Variants in CXADR observed in about 807,000 individuals in gnomAD.
CXADR encodes the protein CXADR cell adhesion molecule, also known as coxsackievirus and adenovirus receptor.
Under a neutral mutation model 40.3 loss-of-function variants are expected in CXADR, and 20 were observed. The observed-to-expected ratio is 0.50, with a 90% confidence interval of 0.35 to 0.72. The LOEUF (loss-of-function observed/expected upper bound fraction) is 0.72. Ranked by LOEUF, CXADR falls within the 30% of genes least tolerant of loss-of-function variation. The pLI is 0.01. For missense variants in CXADR, 332 were observed against 449.1 expected (o/e 0.74, Z 2.36); for synonymous variants, 150 against 161.3 (o/e 0.93, Z 0.53).
At chr21:17,537,476 C>G (rs1404396051) in intron 1 of CXADR, among the ~76,000 whole-genome samples, 1 of 152,162 alleles carries the variant, frequency 6.6e-6, no homozygotes, top group African/African-American at 2.4e-5. Flanking sequence ...GCTTTGTTGA[C>G]TGCTTAGATG....
At chr21:17,525,154 A>G (rs1004602094) in intron 1 of CXADR, among the ~76,000 whole-genome samples, 4 of 152,214 alleles carry the variant, frequency 2.6e-5, no homozygotes, top group African/African-American at 9.6e-5. Flanking sequence ...TAACAATTAA[A>G]TTAACCAACA....
At chr21:17,586,689 A>C (rs2061399081) in intron 7 of CXADR, among the ~76,000 whole-genome samples, 1 of 152,024 alleles carries the variant, frequency 6.6e-6, no homozygotes, top group South Asian at 2.1e-4. Context: ...ATTTTTAAAA[A>C]TGGATAGCCA....
chr21:17,607,309 A>G, the CXADR span, among the ~76,000 whole-genome samples: 2 of 152,302 alleles, frequency 1.3e-5, no homozygotes, highest in Non-Finnish European at 1.5e-5. Flanking sequence ...CCTTCATCCA[A>G]TGTCAGTTAA....
Position 17,564,796 on chromosome 21 carries a change from G to A in CXADR, c.834-632G>A, listed in dbSNP as rs186352761. Among the ~76,000 whole-genome samples the A allele has an allele frequency of 4.3e-4, 65 of 152,174 alleles. No individual in the cohort carries two copies. The East Asian group carries it at 0.012, about 28-fold the overall frequency. ...GGCGCCCAGGCTGGAGTGCTGTGGC[G>A]CAATCTTGGCTCACTGCAACTTTGG... On this transcript the variant is annotated intron_variant, in intron 6 of 6. Coordinates refer to ENST00000284878, the MANE Select transcript of CXADR (RefSeq NM_001338.5).
At chr21:17,604,754 A>G in the CXADR span, 1 of 1,355,342 alleles carries the variant, frequency 7.4e-7, no homozygotes, top group Non-Finnish European at 9.8e-7. Flanking sequence ...GAGTTAAACC[A>G]CCAGCTCCTG....
At chr21:17,624,007 G>GTAGT in the CXADR span, among the ~76,000 whole-genome samples, 1 of 152,150 alleles carries the variant, frequency 6.6e-6, no homozygotes, top group African/African-American at 2.4e-5. Context: ...TCTACACAGG[G>GTAGT]TAGTTCACAG....
Position 17,565,627 on chromosome 21 carries a change from C to CT in CXADR, c.1034dup (p.Ser346LysfsTer38). On this transcript the variant is annotated frameshift_variant, in exon 7 of 7. Transcript: ENST00000284878. LOFTEE classifies it high-confidence loss of function. ...ACCTGCTAAGGTAGCTGCCCCTAAT[C>CT]TAAGTCGAATGGGTGCGATTCCTGT... 1 of 1,612,462 alleles carries CT rather than the reference C, an allele frequency of 6.2e-7. No individual in the cohort carries two copies. The highest frequency in any genetic ancestry group is 8.5e-7 in the Non-Finnish European group (1 of 1,179,844).
At chr21:17,578,425 C>T (rs917513937) in intron 7 of CXADR, among the ~76,000 whole-genome samples, 2 of 152,162 alleles carry the variant, frequency 1.3e-5, no homozygotes, top group Non-Finnish European at 2.9e-5. Context: ...CCCAAGTCAG[C>T]GCCCTGGGGC....
At chr21:17,608,842 A>T in the CXADR span, 4 of 896,918 alleles carry the variant, frequency 4.5e-6, no homozygotes, top group Non-Finnish European at 4.8e-6. Context: ...GAAAATATAC[A>T]AACACCCCAG....
At chr21:17,565,066 AGT>A (rs967064722) in intron 6 of CXADR, among the ~76,000 whole-genome samples, 2 of 152,172 alleles carry the variant, frequency 1.3e-5, no homozygotes, top group African/African-American at 4.8e-5. Flanking sequence ...TCAACTATAA[AGT>A]GTTACATGGC....
the CXADR span, among the ~76,000 whole-genome samples, chr21:17,607,448 C>T: frequency 6.6e-6 from 1 of 152,098 alleles, no homozygotes; most frequent in Non-Finnish European, 1.5e-5. Flanking sequence ...CCTGTGTTAG[C>T]GTGCACATTT....
the CXADR span, among the ~76,000 whole-genome samples, chr21:17,603,664 TAAAGGC>T: frequency 1.3e-5 from 2 of 152,162 alleles, no homozygotes; most frequent in Non-Finnish European, 2.9e-5. Flanking sequence ...AGAAACATCC[TAAAGGC>T]AGAGCCACAG....
chr21:17,563,671 G>A (rs2061155469), intron 6 of CXADR, among the ~76,000 whole-genome samples: 1 of 151,978 alleles, frequency 6.6e-6, no homozygotes, highest in Non-Finnish European at 1.5e-5. Flanking sequence ...GCCGGGCACG[G>A]TGGCTCACAC....
chr21:17,520,535 C>G (rs2060517827), intron 1 of CXADR, among the ~76,000 whole-genome samples: 1 of 152,106 alleles, frequency 6.6e-6, no homozygotes, highest in African/African-American at 2.4e-5. Context: ...AGGTTATGCA[C>G]CCTAACCCCA....
chr21:17,581,285 G>A (rs959618371), intron 7 of CXADR, among the ~76,000 whole-genome samples: 1 of 152,110 alleles, frequency 6.6e-6, no homozygotes, highest in East Asian at 1.9e-4. Context: ...ATGTCATTTT[G>A]TGTATGTATA....
At chr21:17,549,305 T>A (rs1014423939) in intron 2 of CXADR, among the ~76,000 whole-genome samples, 1 of 152,230 alleles carries the variant, frequency 6.6e-6, no homozygotes, top group Non-Finnish European at 1.5e-5. Context: ...TCATTTGCAC[T>A]GTCCTCTGCT....
chr21:17,602,691 T>A, the CXADR span, among the ~76,000 whole-genome samples: 2 of 152,186 alleles, frequency 1.3e-5, no homozygotes, highest in African/African-American at 4.8e-5. Context: ...GCCTACTGAA[T>A]GAAAAGGTTT....
chr21:17,535,606 TC>T (rs560744222), intron 1 of CXADR, among the ~76,000 whole-genome samples: 78 of 152,312 alleles, frequency 5.1e-4, no homozygotes, highest in South Asian at 2.1e-3. Flanking sequence ...TTGACATTTT[TC>T]ACAAAGCTCA....
In CXADR at chr21:17,567,467, C is replaced by T. The variant is rs1048498949; in HGVS notation, c.*1775C>T. The T allele has an allele frequency of 9.1e-6, 9 of 985,184 alleles. No individual in the cohort carries two copies. The highest frequency in any genetic ancestry group is 1.1e-5 in the Non-Finnish European group (9 of 829,822). 61.0% of individuals were successfully genotyped at this position (985,184 alleles called of 1,614,324 possible). On this transcript the variant is annotated 3_prime_UTR_variant, in exon 7 of 7. Coordinates refer to ENST00000284878, the MANE Select transcript of CXADR (RefSeq NM_001338.5). ...TCTGGTGCCTATGAGCTAGCTATCA[C>T]CTACCTGAAAGGTGCTTAGAGGTGA...
Sources: allele counts gnomAD v4.1 joint callset (sites outside exome capture counted in the v4.1 genomes callset), GRCh38; gene constraint gnomAD v4.1.1; transcripts MANE v1.5; gene names NCBI Gene and HGNC (gene_info 2026-07-23, HGNC 2026-07-21).